CEP104: variants seen among roughly 807,000 people sequenced by gnomAD.
CEP104 encodes centrosomal protein 104.
CEP104 carries 84 observed loss-of-function variants against 113.3 expected under a neutral mutation model. That is an observed-to-expected ratio of 0.74 (90% CI 0.62 to 0.89). The LOEUF (loss-of-function observed/expected upper bound fraction) is 0.89. Among genes scored for constraint, CEP104 ranks in the 40% least tolerant of loss-of-function variants. CEP104 has a pLI of 0.00. For synonymous variants in CEP104, 378 were observed against 421.7 expected (o/e 0.90, Z 1.27); for missense variants, 1,053 against 1,156.6 (o/e 0.91, Z 1.30).
At chr1:3,848,547 A>AAAAAT in intron 3 of CEP104, 61 bp downstream of exon 3, 1 of 1,390,902 alleles carries the variant, frequency 7.2e-7, no homozygotes, top group Non-Finnish European at 9.9e-7. Flanking sequence ...AAAAAAAAAA[A>AAAAAT]GAGCTTTCAG....
rs117734715 is a variant in CEP104 at position 3,851,424 on chromosome 1, C to T, written c.113+871G>A. On this transcript the variant is annotated intron_variant, in intron 2 of 21. Transcript: ENST00000378230. ...GAATTTAAAATGCCATACATATTTACGCGTTCGCGGGTTAGGAATAAATAG... is the reference window on the plus strand; with the variant it reads ...GAATTTAAAATGCCATACATATTTATGCGTTCGCGGGTTAGGAATAAATAG... Among the ~76,000 whole-genome samples the T allele has an allele frequency of 3.3e-3, 497 of 152,120 alleles. 11 individuals carry two copies. The South Asian group carries it at 0.048, about 15-fold the overall frequency.
chr1:3,839,518 A>G (rs1417626465), intron 7 of CEP104, 90 bp downstream of exon 7: 1 of 1,197,510 alleles, frequency 8.4e-7, no homozygotes, highest in African/African-American at 1.5e-5. Flanking sequence ...GGCTTTTAGT[A>G]ACTGGTTTCT....
At position 3,836,619 on chromosome 1, in the gene CEP104, G is replaced by C. The variant is rs751693108; in HGVS notation, c.1193C>G (p.Pro398Arg). The part of the protein sequence containing the change: ...RKHYGEAVVE[P>R]EMSNADISDA... The stretch of plus-strand genomic sequence containing the variant: ...GCTGATGTCTGCATTACTCATTTCC[G>C]GCTCCACCACTGCCTCCCCATAATG... Residue 398 changes from proline (P) to arginine (R), a missense_variant, in exon 10 of 22, where the codon CCG becomes CGG. Coordinates refer to ENST00000378230, the MANE Select transcript of CEP104 (RefSeq NM_014704.4). The C allele has an allele frequency of 1.2e-6, 2 of 1,613,610 alleles. No individual in the cohort carries two copies. Among genetic ancestry groups the C allele is most frequent in the Non-Finnish European group, 1.7e-6 (2 of 1,179,938 alleles).
At position 3,837,294 on chromosome 1, in the gene CEP104, T is replaced by C. The variant is rs769542516; in HGVS notation, c.1117A>G (p.Asn373Asp). Reference protein sequence around the residue: ...LPATDPHPKINAESLPYDERP... With the variant: ...LPATDPHPKIDAESLPYDERP... ...CAATCTGAAACAGAATTACCTACAT[T>C]GATCTTTGGATGAGGATCTGTGGCA... Residue 373 changes from asparagine (N) to aspartate (D), a missense_variant and splice_region_variant, in exon 9 of 22, where the codon AAT (asparagine) becomes GAT (aspartate). Transcript: ENST00000378230. The C allele has an allele frequency of 1.9e-6, 3 of 1,607,830 alleles. No homozygotes were observed. The highest frequency in any genetic ancestry group is 1.1e-5 in the South Asian group (1 of 90,816).
In CEP104 at chr1:3,813,167, T is replaced by C. The variant is rs1186703349; in HGVS notation, c.*2235A>G. On this transcript the variant is annotated 3_prime_UTR_variant, in exon 22 of 22. Transcript: ENST00000378230. ...TAGAAAATAATGGCCAACATCTCTTTAAAACCAGAAAAAATCATTTTACAG... is the reference window on the plus strand; with the variant it reads ...TAGAAAATAATGGCCAACATCTCTTCAAAACCAGAAAAAATCATTTTACAG... 1 of 152,026 alleles carries C rather than the reference T, an allele frequency of 6.6e-6. No individual in the cohort carries two copies. The highest frequency in any genetic ancestry group is 1.5e-5 in the Non-Finnish European group (1 of 68,018). 9.4% of individuals were successfully genotyped at this position (152,026 alleles called of 1,614,324 possible).
rs763848521 is a variant in CEP104 at position 3,848,635 on chromosome 1, T to C, written c.260A>G (p.Tyr87Cys). The C allele has an allele frequency of 1.4e-5, 22 of 1,613,380 alleles. No homozygotes were observed. Among genetic ancestry groups the C allele is most frequent in the South Asian group, 1.3e-4 (12 of 90,992 alleles). Residue 87 changes from tyrosine to cysteine, a missense_variant, in exon 3 of 22, where the codon TAT becomes TGT. Physicochemically the swap from Tyr to Cys is radical, Grantham distance 194. Transcript: ENST00000378230. ...AAGTCTTCGAAACCGCTCTGCTTGA[T>C]AGGGTGCAAAATATTCAGGCAAGCT... is the stretch of plus-strand genomic sequence containing the variant. ...SESLPEYFAPYQAERFRRLGY... is the reference protein window; with the variant it reads ...SESLPEYFAPCQAERFRRLGY...
At chr1:3,836,741 A>C in intron 9 of CEP104, 49 bp from the exon 10 acceptor site, 1 of 1,561,424 alleles carries the variant, frequency 6.4e-7, no homozygotes, top group Non-Finnish European at 8.8e-7. Flanking sequence ...TCCATAGGTC[A>C]CATTCTCCAG....
intron 4 of CEP104, among the ~76,000 whole-genome samples, chr1:3,846,329 T>C (rs1470042267): frequency 1.3e-5 from 2 of 152,020 alleles, no homozygotes; most frequent in Non-Finnish European, 2.9e-5. Context: ...CCACACCGCT[T>C]CCAAAAATGC....
intron 6 of CEP104, 50 bp downstream of exon 6, chr1:3,844,857 G>T: frequency 2.0e-6 from 3 of 1,485,048 alleles, no homozygotes; most frequent in South Asian, 1.1e-5. Context: ...ACCCTTTCAG[G>T]ATTCTGAGGA....
intron 2 of CEP104, among the ~76,000 whole-genome samples, chr1:3,849,347 T>A (rs192393111): frequency 6.6e-6 from 1 of 151,768 alleles, no homozygotes. Context: ...ACTGCATCTT[T>A]GATCTCCTGG....
intron 1 of CEP104, 59 bp downstream of exon 1, chr1:3,856,830 C>A (rs2124710729): frequency 6.6e-6 from 1 of 151,688 alleles, no homozygotes; most frequent in East Asian, 1.9e-4. Context: ...GCGCCCCGCG[C>A]CCCGCGCCCC....
rs576642772 is a variant in CEP104 at position 3,840,939 on chromosome 1, AGAG to A, written c.567-1166_567-1164del. ...TGTATGGTGTCAACCATCATATCCT[AGAG>A]GAGATCAAAAACATTCCTTCAGAAA... On this transcript the variant is annotated intron_variant, in intron 6 of 21. Transcript: ENST00000378230. Among the ~76,000 whole-genome samples the A allele has an allele frequency of 2.4e-4, 37 of 152,380 alleles. No individual in the cohort carries two copies. In the East Asian group the frequency reaches 5.6e-3, roughly 23 times the overall value.
At chr1:3,843,264 G>A in intron 6 of CEP104, 4 of 709,878 alleles carry the variant, frequency 5.6e-6, no homozygotes, top group Non-Finnish European at 1.0e-5. Flanking sequence ...GGTGACCGAG[G>A]ATGGCACAGC....
At chr1:3,845,492 G>A (rs1246707569) in intron 4 of CEP104, 141 bp from the exon 5 acceptor site, 1 of 611,272 alleles carries the variant, frequency 1.6e-6, no homozygotes, top group Non-Finnish European at 2.9e-6. Context: ...CTGCAGCCTT[G>A]ACCTCCCGGG....
intron 6 of CEP104, chr1:3,843,454 C>T (rs1405541891): frequency 8.9e-6 from 4 of 449,040 alleles, no homozygotes; most frequent in South Asian, 3.9e-5. Flanking sequence ...TCGGCTCAAG[C>T]GATCTTCCTG....
At position 3,814,974 on chromosome 1, in the gene CEP104, T is replaced by C. The variant is rs1037767628; in HGVS notation, c.*428A>G. ...ACAGCCCTGCGGAAATTCTACTGCG[T>C]GTGGCAGAGACCGATGTGCAAAAGG... On this transcript the variant is annotated 3_prime_UTR_variant, in exon 22 of 22. Coordinates refer to ENST00000378230, the MANE Select transcript of CEP104 (RefSeq NM_014704.4). The C allele has an allele frequency of 6.1e-5, 10 of 164,860 alleles. No homozygotes were observed. Among genetic ancestry groups the C allele is most frequent in the Admixed American group, 4.6e-4 (8 of 17,366 alleles). The allele number at this position is 164,860 out of a possible 1,614,324, so 10.2% of individuals were successfully genotyped here.
intron 9 of CEP104, 134 bp from the exon 10 acceptor site, chr1:3,836,826 C>T: frequency 1.5e-6 from 1 of 674,742 alleles, no homozygotes; most frequent in Non-Finnish European, 2.5e-6. Context: ...ATATCAGTAT[C>T]ATCAGATTAG....
At chr1:3,829,143 A>G (rs1267571946) in intron 15 of CEP104, 123 bp downstream of exon 15, 1 of 692,104 alleles carries the variant, frequency 1.4e-6, no homozygotes, top group Non-Finnish European at 2.3e-6. Context: ...CTAAAAAACC[A>G]AAAGGAATCA....
chr1:3,852,618 A>G (rs1333106485), intron 1 of CEP104, among the ~76,000 whole-genome samples, 197 bp from the exon 2 acceptor site: 1 of 152,138 alleles, frequency 6.6e-6, no homozygotes, highest in African/African-American at 2.4e-5. Context: ...TTAAGATATC[A>G]TTTAAGTTAT....
Sources: allele counts gnomAD v4.1 joint callset (sites outside exome capture counted in the v4.1 genomes callset), GRCh38; gene constraint gnomAD v4.1.1; transcripts MANE v1.5; gene names NCBI Gene and HGNC (gene_info 2026-07-23, HGNC 2026-07-21).